Variants in SAMD12 observed in about 807,000 individuals in gnomAD.
SAMD12 encodes the protein sterile alpha motif domain containing 12.
SAMD12 carries 9 observed loss-of-function variants against 15.0 expected under a neutral mutation model. That is an observed-to-expected ratio of 0.60 (90% confidence interval 0.36 to 1.05). SAMD12 has a LOEUF of 1.05. Among genes scored for constraint, SAMD12 ranks in the 50% least tolerant of loss-of-function variants. The probability of loss-of-function intolerance (pLI) is 0.01; values close to 1 mark genes in which losing one functional copy is unlikely to be tolerated. For synonymous variants in SAMD12, 86 were observed against 90.1 expected, an observed-to-expected ratio of 0.96 and a Z score of 0.25; for missense variants, 230 against 234.2, an observed-to-expected ratio of 0.98 and a Z score of 0.12.
the SAMD12 span, among the ~76,000 whole-genome samples, chr8:118,136,090 C>A: frequency 6.6e-6 from 1 of 152,046 alleles, no homozygotes; most frequent in Non-Finnish European, 1.5e-5. Flanking sequence ...AGTACAGTGG[C>A]ACAATCTCAG....
chr8:118,340,798 C>T (rs1782028589), intron 4 of SAMD12, among the ~76,000 whole-genome samples: 1 of 152,100 alleles, frequency 6.6e-6, no homozygotes, highest in Non-Finnish European at 1.5e-5. Context: ...AAAGTATACA[C>T]AATTCAAGGT....
intron 4 of SAMD12, among the ~76,000 whole-genome samples, chr8:118,339,746 T>A (rs903307139): frequency 6.6e-6 from 1 of 152,232 alleles, no homozygotes. Flanking sequence ...CTCCTCCCTA[T>A]GCACTCACTT....
chr8:118,295,594 T>C (rs1814661626), intron 4 of SAMD12: 1 of 151,918 alleles, frequency 6.6e-6, no homozygotes, highest in Non-Finnish European at 1.5e-5. Context: ...AGTTATATCC[T>C]AGCACACAGA....
chr8:118,605,233 T>C (rs1259965268), intron 1 of SAMD12, among the ~76,000 whole-genome samples: 1 of 152,238 alleles, frequency 6.6e-6, no homozygotes, highest in Non-Finnish European at 1.5e-5. Context: ...GACAGTAATT[T>C]GTTGCTTTCT....
intron 2 of SAMD12, among the ~76,000 whole-genome samples, chr8:118,579,667 G>T (rs1827235002): frequency 6.6e-6 from 1 of 152,102 alleles, no homozygotes; most frequent in African/African-American, 2.4e-5. Flanking sequence ...CAACAGTAAG[G>T]TGACCTTTTT....
chr8:118,562,757 A>G (rs1441283861), intron 2 of SAMD12, among the ~76,000 whole-genome samples: 1 of 152,246 alleles, frequency 6.6e-6, no homozygotes, highest in Non-Finnish European at 1.5e-5. Flanking sequence ...AAAAGGAAGG[A>G]TGTTTTTAAA....
At chr8:118,191,096 A>C (rs1819357301) in exon 5 of SAMD12, 2 of 152,202 alleles carry the variant, frequency 1.3e-5, no homozygotes, top group Non-Finnish European at 1.5e-5. Context: ...CAAGAGTTTC[A>C]GTGGAATTAG....
chr8:118,343,418 T>C (rs1217840986), intron 4 of SAMD12, among the ~76,000 whole-genome samples: 1 of 151,806 alleles, frequency 6.6e-6, no homozygotes, highest in African/African-American at 2.4e-5. Context: ...ATGCAAAAAT[T>C]GACAGGGGAG....
intron 2 of SAMD12, among the ~76,000 whole-genome samples, chr8:118,560,942 T>C (rs1826683736): frequency 6.6e-6 from 1 of 152,206 alleles, no homozygotes; most frequent in Non-Finnish European, 1.5e-5. Context: ...TTTACAGGGT[T>C]ATGTCACTCA....
intron 2 of SAMD12, among the ~76,000 whole-genome samples, chr8:118,520,933 T>C (rs986879920): frequency 6.6e-6 from 1 of 152,204 alleles, no homozygotes; most frequent in Non-Finnish European, 1.5e-5. Context: ...AAACCTATTA[T>C]GTAGCACAGA....
intron 3 of SAMD12, among the ~76,000 whole-genome samples, chr8:118,397,355 G>A (rs549570997): frequency 6.6e-6 from 1 of 152,156 alleles, no homozygotes; most frequent in Non-Finnish European, 1.5e-5. Context: ...AAAAAAATCT[G>A]GGAGAATGAG....
chr8:118,429,016 T>C (rs983730062), intron 3 of SAMD12, among the ~76,000 whole-genome samples: 1 of 152,230 alleles, frequency 6.6e-6, no homozygotes, highest in Admixed American at 6.5e-5. Context: ...AGTGAATCTA[T>C]AGGTCATTAG....
chr8:118,145,057 G>T, the SAMD12 span, among the ~76,000 whole-genome samples: 27 of 152,162 alleles, frequency 1.8e-4, no homozygotes, highest in African/African-American at 5.5e-4. Context: ...ATTTTGAAAG[G>T]CTTTTAATGC....
chr8:118,449,531 G>C (rs1032919189), intron 2 of SAMD12, among the ~76,000 whole-genome samples: 2 of 151,882 alleles, frequency 1.3e-5, no homozygotes, highest in South Asian at 2.1e-4. Context: ...GAGAAAATAG[G>C]CCGGGCGTGG....
intron 3 of SAMD12, among the ~76,000 whole-genome samples, chr8:118,423,299 C>A (rs1446119240): frequency 6.6e-6 from 1 of 152,194 alleles, no homozygotes; most frequent in Admixed American, 6.5e-5. Context: ...GGTATAGATA[C>A]CCAAATGTCT....
chr8:118,562,735 T>G (rs954974021), intron 2 of SAMD12, among the ~76,000 whole-genome samples: 1 of 152,190 alleles, frequency 6.6e-6, no homozygotes, highest in Non-Finnish European at 1.5e-5. Context: ...CTGAAGATAT[T>G]TATTTAGGAT....
chr8:118,583,252 C>T (rs1165323175), intron 1 of SAMD12, among the ~76,000 whole-genome samples: 1 of 152,172 alleles, frequency 6.6e-6, no homozygotes, highest in Non-Finnish European at 1.5e-5. Context: ...CCACTTTAGG[C>T]AGTGCTGGAA....
chr8:118,564,540 GTCTC>G (rs1213129721), intron 2 of SAMD12, among the ~76,000 whole-genome samples: 2 of 152,222 alleles, frequency 1.3e-5, no homozygotes, highest in African/African-American at 2.4e-5. Flanking sequence ...AGCACTGACA[GTCTC>G]TCTGTCTGGT....
chr8:118,521,297 T>G (rs981785061), intron 2 of SAMD12, among the ~76,000 whole-genome samples: 2 of 152,166 alleles, frequency 1.3e-5, no homozygotes, highest in Admixed American at 1.3e-4. Context: ...CTTTTAACAC[T>G]GGCTGCCATG....
Sources: allele counts gnomAD v4.1 joint callset (sites outside exome capture counted in the v4.1 genomes callset), GRCh38; gene constraint gnomAD v4.1.1; transcripts MANE v1.5; gene names NCBI Gene and HGNC (gene_info 2026-07-23, HGNC 2026-07-21).